AIFM3: variants seen among roughly 807,000 people sequenced by gnomAD.
AIFM3 encodes the protein AIF family member 3, also known as apoptosis-inducing factor 3.
Under a neutral mutation model 82.7 loss-of-function variants are expected in AIFM3, and 71 were observed. That is an observed-to-expected ratio of 0.86 (90% CI 0.71 to 1.05). The LOEUF is 1.05. AIFM3 is among the 50% of genes least tolerant of loss of function. AIFM3 has a pLI of 0.00. For synonymous variants in AIFM3, 337 were observed against 329.1 expected (o/e 1.02, Z -0.26); for missense variants, 748 against 816.7 (o/e 0.92, Z 1.03).
chr22:20,977,036 AG>A lies in AIFM3; in HGVS notation c.1225del (p.Glu409ArgfsTer4), dbSNP rs765245329. The A allele has an allele frequency of 6.2e-7, 1 of 1,614,092 alleles. No homozygotes were observed. Among genetic ancestry groups the A allele is most frequent in the Non-Finnish European group, 8.5e-7 (1 of 1,180,006 alleles). On this transcript the variant is annotated frameshift_variant, in exon 14 of 21. Coordinates refer to ENST00000440238, the MANE Select transcript of AIFM3 (RefSeq NM_001386814.1). LOFTEE classifies it high-confidence loss of function. The part of the protein sequence containing the change: ...SELRGQEGKL[K>X]EVVLKSSKVV... Reference sequence around the variant, plus strand: ...TTATCCACCCACTCCCCACAGCTGAAGGAGGTTGTGCTGAAGAGCAGCAAGG... The same window carrying A: ...TTATCCACCCACTCCCCACAGCTGAAGAGGTTGTGCTGAAGAGCAGCAAGG...
chr22:20,980,811 T>A, intron 20 of AIFM3, 44 bp downstream of exon 20: 1 of 1,612,742 alleles, frequency 6.2e-7, no homozygotes, highest in Non-Finnish European at 8.5e-7. Flanking sequence ...CTTTCCCATG[T>A]CAGCCCAGAC....
chr22:20,973,643 C>A, intron 3 of AIFM3, 115 bp from the exon 4 acceptor site: 1 of 1,396,054 alleles, frequency 7.2e-7, no homozygotes, highest in South Asian at 1.4e-5. Flanking sequence ...CTGGTCACTG[C>A]CTTTGTGGCT....
In AIFM3 at chr22:20,977,083, G is replaced by A. The variant is rs376592022; in HGVS notation, c.1270G>A (p.Val424Met). The change falls in exon 14 of 21, where the codon GTG (valine) becomes ATG (methionine). Residue 424 changes from valine (V) to methionine (M), a missense_variant. Transcript: ENST00000440238. ...CAAGGTCGTGCGGGCTGACGTCTGC[G>A]TGGTGGGCATTGGTGAGTTGGTGTG... ...SSKVVRADVC[V>M]VGIGAVPATG... 65 of 1,614,038 alleles carry A rather than the reference G, an allele frequency of 4.0e-5. No individual in the cohort carries two copies. Among genetic ancestry groups the A allele is most frequent in the Middle Eastern group, 1.7e-4 (1 of 6,048 alleles).
rs766430143 is a variant in AIFM3, at chr22:20,974,532, A to C, written c.518A>C (p.Gln173Pro). The change falls in exon 7 of 21, where the codon CAG becomes CCG. Residue 173 changes from glutamine (Q) to proline (P), a missense_variant. Gln to Pro is a moderately conservative substitution (Grantham distance 76). Coordinates refer to ENST00000440238, the MANE Select transcript of AIFM3 (RefSeq NM_001386814.1). Reference sequence around the variant, plus strand: ...CCCTCCTGGCACCCACAGGCCCTACAGCTGCAGCGAAGGACCAAGGTGATG... The same window carrying C: ...CCCTCCTGGCACCCACAGGCCCTACCGCTGCAGCGAAGGACCAAGGTGATG... ...VYVRASKQAL[Q>P]LQRRTKVMAK... 10 of 1,612,238 alleles carry C rather than the reference A, an allele frequency of 6.2e-6. No homozygotes were observed. Among genetic ancestry groups the C allele is most frequent in the Non-Finnish European group, 7.6e-6 (9 of 1,179,356 alleles).
chr22:20,966,026 G>A (rs1922865773), upstream of AIFM3, among the ~76,000 whole-genome samples: 1 of 152,152 alleles, frequency 6.6e-6, no homozygotes, highest in Admixed American at 6.5e-5. Flanking sequence ...TGAGTGGGGT[G>A]ACTGGGCTCC....
At chr22:20,967,623 G>A in intron 1 of AIFM3, 182 bp from the exon 2 acceptor site, 1 of 439,308 alleles carries the variant, frequency 2.3e-6, no homozygotes, top group South Asian at 3.4e-5. Flanking sequence ...TGAGGGAGCT[G>A]AGCTTGGAGG....
chr22:20,973,412 C>A lies in AIFM3; in HGVS notation c.137C>A (p.Ala46Asp). The change falls in exon 3 of 21, where the codon GCC (alanine) becomes GAC (aspartate). Residue 46 changes from alanine (A) to aspartate (D), a missense_variant. Transcript: ENST00000440238. ...SPRAYQGNGT[A>D]RHFHTEERLS... ...CGGGCCTACCAGGGCAATGGCACGGCCCGCCACTTCCACACGGAGGAGCGC... is the reference window on the plus strand; with the variant it reads ...CGGGCCTACCAGGGCAATGGCACGGACCGCCACTTCCACACGGAGGAGCGC... The A allele has an allele frequency of 6.2e-7, 1 of 1,612,638 alleles. No homozygotes were observed. Among genetic ancestry groups the A allele is most frequent in the Non-Finnish European group, 8.5e-7 (1 of 1,179,904 alleles).
intron 4 of AIFM3, 49 bp from the exon 5 acceptor site, chr22:20,974,014 G>C: frequency 4.5e-6 from 7 of 1,548,848 alleles, no homozygotes; most frequent in Non-Finnish European, 6.1e-6. Flanking sequence ...TGAGATCCTT[G>C]GGAAGCAACC....
chr22:20,973,966 C>A, intron 4 of AIFM3, 97 bp from the exon 5 acceptor site: 1 of 1,491,276 alleles, frequency 6.7e-7, no homozygotes, highest in Non-Finnish European at 9.0e-7. Flanking sequence ...AGTGAAGTCT[C>A]CTGGGCTGTG....
chr22:20,976,717 C>A lies in AIFM3; in HGVS notation c.1097C>A (p.Thr366Lys). ...HSVSVVELEE[T>K]PFRRFLGERV... Reference sequence around the variant, plus strand: ...GTGTCTGTGGTGGAGCTGGAGGAGACGCCCTTCAGGAGGTTCCTGGGGGAG... The same window carrying A: ...GTGTCTGTGGTGGAGCTGGAGGAGAAGCCCTTCAGGAGGTTCCTGGGGGAG... The change falls in exon 12 of 21, where the codon ACG becomes AAG. Residue 366 changes from threonine (T) to lysine (K), a missense_variant. Physicochemically the swap from Thr to Lys is moderately conservative, Grantham distance 78. Transcript: ENST00000440238. 1.2e-6 allele frequency: 2 copies of A among 1,609,194 alleles called. No individual in the cohort carries two copies. The highest frequency in any genetic ancestry group is 8.5e-7 in the Non-Finnish European group (1 of 1,177,724).
intron 20 of AIFM3, 40 bp from the exon 21 acceptor site, chr22:20,980,951 GT>G (rs1924074287): frequency 6.2e-7 from 1 of 1,614,098 alleles, no homozygotes; most frequent in African/African-American, 1.3e-5. Flanking sequence ...TGGAGAGCCT[GT>G]TTTCTTCTGT....
At chr22:20,965,176 G>A (rs564062870), upstream of AIFM3, 3 of 143,158 alleles carry the variant, frequency 2.1e-5, no homozygotes, top group East Asian at 4.3e-4. Flanking sequence ...GGCCCCAAGC[G>A]GTTCCCGAGC....
In AIFM3 at chr22:20,975,771, A is replaced by C; in HGVS notation, c.800A>C (p.Glu267Ala). 1 of 1,612,444 alleles carries C rather than the reference A, an allele frequency of 6.2e-7. No individual in the cohort carries two copies. Among genetic ancestry groups the C allele is most frequent in the Non-Finnish European group, 8.5e-7 (1 of 1,179,950 alleles). Residue 267 changes from glutamate (E) to alanine (A), a missense_variant, in exon 9 of 21, where the codon GAG (glutamate) becomes GCG (alanine). Physicochemically the swap from Glu to Ala is moderately radical, Grantham distance 107. This residue lies in a region of AIFM3 where 393 missense variants were observed against 481.1 expected (regional missense o/e 0.82). Transcript: ENST00000440238. ...GCCTATGGCATCGAGGTGCTCACCG[A>C]GGCTCAGGTACAGGGTCAAGGGTGG... is the stretch of plus-strand genomic sequence containing the variant. ...FRAYGIEVLT[E>A]AQVVTVDVRT...
intron 2 of AIFM3, 63 bp downstream of exon 2, chr22:20,968,038 C>CCCCCTCCCCCGTCT: frequency 5.5e-4 from 3 of 5,484 alleles, no homozygotes; most frequent in Non-Finnish European, 7.2e-4. Flanking sequence ...TCCCCCGTCT[C>CCCCCTCCCCCGTCT]CCCCCCCTCC....
At chr22:20,976,153 G>C (rs1269657789) in intron 9 of AIFM3, 62 bp from the exon 10 acceptor site, 4 of 1,557,254 alleles carry the variant, frequency 2.6e-6, no homozygotes, top group Non-Finnish European at 3.5e-6. Context: ...GCAGGACCGG[G>C]GAGTGGGCGG....
Position 20,981,139 on chromosome 22 carries a change from G to GAGCCC in AIFM3, c.*109_*113dup. The GAGCCC allele has an allele frequency of 2.0e-6, 3 of 1,502,934 alleles. No individual in the cohort carries two copies. Among genetic ancestry groups the GAGCCC allele is most frequent in the Non-Finnish European group, 2.7e-6 (3 of 1,100,818 alleles). The allele number at this position is 1,502,934 out of a possible 1,614,324, so 93.1% of individuals were successfully genotyped here. A position where few individuals can be genotyped will look rare whatever the true frequency, so the allele number is the denominator to read the frequency against. On this transcript the variant is annotated 3_prime_UTR_variant, in exon 21 of 21. Coordinates refer to ENST00000440238, the MANE Select transcript of AIFM3 (RefSeq NM_001386814.1). ...CCCAGGATCCCCCAGGGCAGAACCT[G>GAGCCC]AGCCCTCCCAGTGCTTGCCTTCAGC...
At chr22:20,980,203 C>A (rs973949617) in intron 19 of AIFM3, 79 bp downstream of exon 19, 3 of 1,301,272 alleles carry the variant, frequency 2.3e-6, no homozygotes, top group Admixed American at 2.0e-5. Flanking sequence ...CAGCCAGCCG[C>A]CCCCACAACC....
In AIFM3 at chr22:20,976,225, T is replaced by A; in HGVS notation, c.818T>A (p.Val273Glu). 1 of 1,613,456 alleles carries A rather than the reference T, an allele frequency of 6.2e-7. No individual in the cohort carries two copies. Among genetic ancestry groups the A allele is most frequent in the Non-Finnish European group, 8.5e-7 (1 of 1,179,858 alleles). Reference sequence around the variant, plus strand: ...TGGTGGGGATTGCAGGTGGTCACAGTGGACGTGAGAACTAAGAAGGTCGTG... The same window carrying A: ...TGGTGGGGATTGCAGGTGGTCACAGAGGACGTGAGAACTAAGAAGGTCGTG... ...EVLTEAQVVT[V>E]DVRTKKVVFK... The change falls in exon 10 of 21, where the codon GTG becomes GAG. Residue 273 changes from valine (V) to glutamate (E), a missense_variant. Physicochemically the swap from Val to Glu is moderately radical, Grantham distance 121 (BLOSUM62 -2). This residue lies in a region of AIFM3 where 393 missense variants were observed against 481.1 expected (regional missense o/e 0.82). Transcript: ENST00000440238.
rs895651142 is a variant in AIFM3, at chr22:20,981,131, C to T, written c.*100C>T. On this transcript the variant is annotated 3_prime_UTR_variant, in exon 21 of 21. Coordinates refer to ENST00000440238, the MANE Select transcript of AIFM3 (RefSeq NM_001386814.1). ...TCTCCAGTCCCAGGATCCCCCAGGG[C>T]AGAACCTGAGCCCTCCCAGTGCTTG... The T allele has an allele frequency of 5.9e-6, 9 of 1,531,068 alleles. No homozygotes were observed. The highest frequency in any genetic ancestry group is 4.1e-5 in the African/African-American group (3 of 73,034). 94.8% of individuals were successfully genotyped at this position (1,531,068 alleles called of 1,614,324 possible).
Sources: gnomAD v4.1 joint callset for allele counts (sites outside exome capture counted in the v4.1 genomes callset) on GRCh38, gnomAD v4.1.1 for gene constraint, gnomAD v4.1.1 regional missense constraint, MANE v1.5 for transcripts, NCBI Gene and HGNC (gene_info 2026-07-23, HGNC 2026-07-21) for gene names.